DLC1: variants seen among roughly 807,000 people sequenced by gnomAD.
DLC1 encodes the protein rho GTPase-activating protein 7.
In DLC1, 54 loss-of-function variants were observed where a neutral mutation model predicts 140.3. The observed-to-expected ratio is 0.38, with a 90% CI of 0.31 to 0.48. DLC1 has a LOEUF of 0.48. Among genes scored for constraint, DLC1 ranks in the 20% least tolerant of loss-of-function variants. The pLI, the probability that DLC1 is intolerant of heterozygous loss-of-function variation, is 0.96. For synonymous variants in DLC1, 986 were observed against 728.1 expected (o/e 1.35, Z -5.70); for missense variants, 2,536 against 1,907.0 (o/e 1.33, Z -6.14).
intron 5 of DLC1, among the ~76,000 whole-genome samples, chr8:13,185,323 T>TG (rs1294814118): frequency 6.6e-6 from 1 of 150,666 alleles, no homozygotes; most frequent in African/African-American, 2.4e-5. Flanking sequence ...TTTGTTTGTT[T>TG]TTGAGATGGA....
chr8:13,446,134 C>A (rs113037309), intron 2 of DLC1, among the ~76,000 whole-genome samples: 13 of 152,090 alleles, frequency 8.5e-5, no homozygotes, highest in South Asian at 2.1e-4. Flanking sequence ...ACTCTCCCCC[C>A]CTCTGTGTTC....
At chr8:13,143,003 G>T (rs528751462) in intron 5 of DLC1, among the ~76,000 whole-genome samples, 1 of 148,110 alleles carries the variant, frequency 6.8e-6, no homozygotes, top group Non-Finnish European at 1.5e-5. Context: ...AGATTGTGCC[G>T]TTGCGCTCCA....
At chr8:13,553,320 C>A (rs1277112379) in intron 1 of DLC1, among the ~76,000 whole-genome samples, 1 of 144,350 alleles carries the variant, frequency 6.9e-6, no homozygotes, top group East Asian at 2.1e-4. Flanking sequence ...TTTCTCCATG[C>A]ATGTACTATA....
chr8:13,591,179 A>G (rs1805502096), intron 1 of DLC1, among the ~76,000 whole-genome samples: 1 of 152,112 alleles, frequency 6.6e-6, no homozygotes, highest in Non-Finnish European at 1.5e-5. Flanking sequence ...GAATGGAAAC[A>G]ATCTTAAGTA....
chr8:13,094,305 A>T (rs1460075085), intron 12 of DLC1, among the ~76,000 whole-genome samples: 1 of 152,234 alleles, frequency 6.6e-6, no homozygotes, highest in Non-Finnish European at 1.5e-5. Context: ...TCCACAAACA[A>T]GGCGGCAAGG....
At chr8:13,309,216 T>C (rs1381505880) in intron 4 of DLC1, among the ~76,000 whole-genome samples, 4 of 152,188 alleles carry the variant, frequency 2.6e-5, no homozygotes, top group Non-Finnish European at 5.9e-5. Flanking sequence ...GCTGGCCATA[T>C]GGGTTCGCTG....
At chr8:13,524,667 G>A (rs1802866612) in intron 1 of DLC1, among the ~76,000 whole-genome samples, 1 of 151,276 alleles carries the variant, frequency 6.6e-6, no homozygotes, top group South Asian at 2.1e-4. Context: ...GAAAGGCATT[G>A]TTTTTGTATA....
chr8:13,354,934 C>T (rs1276836254), intron 4 of DLC1, among the ~76,000 whole-genome samples: 1 of 126,392 alleles, frequency 7.9e-6, no homozygotes, highest in African/African-American at 3.1e-5. Context: ...GCCTGGATGA[C>T]AGAGTGAGAC....
At chr8:13,291,989 T>A (rs1391721970) in intron 5 of DLC1, among the ~76,000 whole-genome samples, 1 of 1,244 alleles carries the variant, frequency 8.0e-4, no homozygotes, top group African/African-American at 8.5e-4. Context: ...CAATGTTTTC[T>A]TTTTTTTTTT....
rs372843958 is a variant in DLC1 at position 13,137,562 on chromosome 8, C to T, written c.1349-21905G>A. Among the ~76,000 whole-genome samples, 6 of 148,276 alleles carry T rather than the reference C, an allele frequency of 4.0e-5. No homozygotes were observed. The East Asian group carries it at 7.9e-4, about 20-fold the overall frequency. On this transcript the variant is annotated intron_variant, in intron 5 of 17. Coordinates refer to ENST00000276297, the MANE Select transcript of DLC1 (RefSeq NM_182643.3). Reference sequence around the variant, plus strand: ...TGTGCTGTTCACTGCCTGTCATGCTCTTTTGCTCTTTCTTCAGCTTGGACA... The same window carrying T: ...TGTGCTGTTCACTGCCTGTCATGCTTTTTTGCTCTTTCTTCAGCTTGGACA...
chr8:13,264,530 A>C (rs1375432325), intron 5 of DLC1, among the ~76,000 whole-genome samples: 3 of 152,228 alleles, frequency 2.0e-5, no homozygotes, highest in East Asian at 3.8e-4. Context: ...AACGAGTATA[A>C]AGCCAGTATG....
intron 4 of DLC1, among the ~76,000 whole-genome samples, chr8:13,367,562 A>C (rs1835544881): frequency 6.6e-6 from 1 of 152,220 alleles, no homozygotes; most frequent in Non-Finnish European, 1.5e-5. Context: ...AAATAAGACA[A>C]AGACGTGCTT....
chr8:13,510,601 C>G (rs531958969), intron 1 of DLC1, among the ~76,000 whole-genome samples: 1 of 152,240 alleles, frequency 6.6e-6, no homozygotes, highest in East Asian at 1.9e-4. Context: ...AGTTACGGGG[C>G]AAACATCAAA....
intron 5 of DLC1, among the ~76,000 whole-genome samples, chr8:13,240,274 T>G (rs1829483848): frequency 6.6e-6 from 1 of 152,154 alleles, no homozygotes; most frequent in South Asian, 2.1e-4. Flanking sequence ...TTAGCCCAGA[T>G]TCAAAGGTGA....
intron 2 of DLC1, among the ~76,000 whole-genome samples, chr8:13,488,806 A>T (rs1011342358): frequency 2.0e-5 from 3 of 152,232 alleles, no homozygotes; most frequent in African/African-American, 7.2e-5. Context: ...CATTGCCCCT[A>T]CTAATGTGTA....
chr8:13,099,189 T>G (rs76713924), intron 9 of DLC1, among the ~76,000 whole-genome samples, 158 bp downstream of exon 9: 2 of 152,114 alleles, frequency 1.3e-5, no homozygotes, highest in Admixed American at 1.3e-4. Context: ...CCTATCGATT[T>G]CTTTGAATTT....
rs550118820 is a variant in DLC1, at chr8:13,100,539, T to G, written c.1798A>C (p.Thr600Pro). 25 of 1,612,978 alleles carry G rather than the reference T, an allele frequency of 1.5e-5. No homozygotes were observed. The highest frequency in any genetic ancestry group is 2.0e-5 in the Non-Finnish European group (24 of 1,179,888). The change falls in exon 9 of 18, where the codon ACT (threonine) becomes CCT (proline). Residue 600 changes from threonine (T) to proline (P), a missense_variant. By Grantham distance (38) the Thr-to-Pro change is conservative (BLOSUM62 -1). Transcript: ENST00000276297. ...EVSSVRSLSSTGSLPSHAPPS... is the reference protein window; with the variant it reads ...EVSSVRSLSSPGSLPSHAPPS... The stretch of plus-strand genomic sequence containing the variant: ...GGCGCGTGGCTGGGGAGGCTGCCAG[T>G]GCTGCTGAGGCTGCGGACGGAAGAC...
At chr8:13,451,219 A>G (rs181466288) in intron 2 of DLC1, among the ~76,000 whole-genome samples, 1 of 152,090 alleles carries the variant, frequency 6.6e-6, no homozygotes, top group South Asian at 2.1e-4. Context: ...TATTTAAAAA[A>G]TTTTTTAACT....
At chr8:13,217,835 T>C (rs1188273) in intron 5 of DLC1, among the ~76,000 whole-genome samples, 87,419 of 150,502 alleles carry the variant, frequency 0.58, 26,572 homozygotes, top group East Asian at 0.85. Context: ...GAGACTCCAT[T>C]TCAAAAAAAA....
Sources: gnomAD v4.1 joint callset for allele counts (sites outside exome capture counted in the v4.1 genomes callset) on GRCh38, gnomAD v4.1.1 for gene constraint, MANE v1.5 for transcripts, NCBI Gene and HGNC (gene_info 2026-07-23, HGNC 2026-07-21) for gene names.